PSD3: variants seen among roughly 807,000 people sequenced by gnomAD.
The protein encoded by PSD3 is pleckstrin and Sec7 domain containing 3.
A neutral mutation model predicts 105.5 loss-of-function variants in PSD3; 49 were observed. That is an observed-to-expected ratio of 0.46 (90% confidence interval 0.37 to 0.59). PSD3 has a LOEUF of 0.59. Ranked by LOEUF, PSD3 falls within the 20% of genes least tolerant of loss-of-function variation. PSD3 has a pLI of 0.00. For synonymous variants in PSD3, 557 were observed against 457.8 expected, an observed-to-expected ratio of 1.22 and a Z score of -2.77; for missense variants, 1,561 against 1,263.8, an observed-to-expected ratio of 1.24 and a Z score of -3.57.
At chr8:18,585,987 A>G (rs1803156432) in intron 12 of PSD3, among the ~76,000 whole-genome samples, 1 of 151,888 alleles carries the variant, frequency 6.6e-6, no homozygotes, top group South Asian at 2.1e-4. Context: ...CAAGAGATAT[A>G]TTTTCCTAGG....
rs538024767 is a variant in PSD3 at position 18,804,729 on chromosome 8, C to G, written c.1804G>C (p.Asp602His). ...TTCTTGCCAAGGTGTTTTGCAACAT[C>G]TGATCTTTTGAATCTGTCCAGCTGA... ...LYQLDRFKRS[D>H]VAKHLGKNNE... The change falls in exon 5 of 16, where the codon GAT (aspartate) becomes CAT (histidine). Residue 602 changes from aspartate to histidine, a missense_variant. Coordinates refer to ENST00000327040, the MANE Select transcript of PSD3 (RefSeq NM_015310.4). 1 of 1,614,034 alleles carries G rather than the reference C, an allele frequency of 6.2e-7. No individual in the cohort carries two copies. Among genetic ancestry groups the G allele is most frequent in the African/African-American group, 1.3e-5 (1 of 75,038 alleles).
intron 1 of PSD3, among the ~76,000 whole-genome samples, chr8:19,083,206 T>C (rs984517832): frequency 3.5e-4 from 53 of 152,128 alleles, no homozygotes; most frequent in African/African-American, 1.2e-3. Context: ...ACCCTCATGC[T>C]CACACACATG....
At chr8:18,781,038 G>A (rs143696000) in intron 8 of PSD3, among the ~76,000 whole-genome samples, 3 of 151,904 alleles carry the variant, frequency 2.0e-5, no homozygotes, top group East Asian at 1.9e-4. Flanking sequence ...AATATTTTTG[G>A]CTGACAGTTG....
chr8:18,646,287 A>C (rs1353018009), intron 10 of PSD3, among the ~76,000 whole-genome samples: 2 of 152,138 alleles, frequency 1.3e-5, no homozygotes, highest in Non-Finnish European at 2.9e-5. Context: ...TTCCTTCATT[A>C]ATCTACATCT....
At chr8:18,938,284 T>C (rs1450151831) in intron 1 of PSD3, among the ~76,000 whole-genome samples, 1 of 152,108 alleles carries the variant, frequency 6.6e-6, no homozygotes, top group Non-Finnish European at 1.5e-5. Context: ...AAATATATTT[T>C]GTAGGAAGAA....
intron 12 of PSD3, among the ~76,000 whole-genome samples, chr8:18,585,570 A>C (rs1803117287): frequency 6.6e-6 from 1 of 152,146 alleles, no homozygotes; most frequent in Non-Finnish European, 1.5e-5. Context: ...TACCCACCTC[A>C]GCCTCCCAAA....
chr8:18,716,542 T>C lies in PSD3; in HGVS notation c.2172+48907A>G, dbSNP rs557677481. Among the ~76,000 whole-genome samples the C allele has an allele frequency of 1.3e-4, 20 of 152,104 alleles. No individual in the cohort carries two copies. In the South Asian group the frequency reaches 4.2e-3, roughly 32 times the overall value. On this transcript the variant is annotated intron_variant, in intron 9 of 15. Coordinates refer to ENST00000327040, the MANE Select transcript of PSD3 (RefSeq NM_015310.4). Reference sequence around the variant, plus strand: ...GCCAGGGTGGCTGAAGCTTGGGCAGTGGGAGAGGAAATAATGAGAGATGAG... The same window carrying C: ...GCCAGGGTGGCTGAAGCTTGGGCAGCGGGAGAGGAAATAATGAGAGATGAG...
At chr8:18,543,423 G>T (rs1359629791) in intron 15 of PSD3, among the ~76,000 whole-genome samples, 1 of 152,008 alleles carries the variant, frequency 6.6e-6, no homozygotes, top group African/African-American at 2.4e-5. Flanking sequence ...GACCATCTTG[G>T]CTAACACGGT....
At chr8:18,778,815 C>G (rs1808336869) in intron 8 of PSD3, among the ~76,000 whole-genome samples, 1 of 152,110 alleles carries the variant, frequency 6.6e-6, no homozygotes, top group Admixed American at 6.5e-5. Context: ...CCCACTTGAT[C>G]ATCGTGAATG....
Position 18,794,358 on chromosome 8 carries a change from C to A in PSD3, c.2082+4937G>T. ...GGAAAGACCTGACCGTCCCCCAGCC[C>A]GACACCCGTAAAGGGTCTGTGCTGA... On this transcript the variant is annotated intron_variant, in intron 8 of 15. Coordinates refer to ENST00000327040, the MANE Select transcript of PSD3 (RefSeq NM_015310.4). Among the ~76,000 whole-genome samples, 2 of 2,996 alleles carry A rather than the reference C, an allele frequency of 6.7e-4. 1 individual carries two copies. Among genetic ancestry groups the A allele is most frequent in the South Asian group, 7.6e-3 (2 of 264 alleles). The allele number at this position is 2,996 out of a possible 152,430, so 2.0% of individuals were successfully genotyped here. A position where few individuals can be genotyped will look rare whatever the true frequency, so the allele number is the denominator to read the frequency against.
rs1481203622 is a variant in PSD3 at position 18,572,509 on chromosome 8, G to A, written c.2784+19C>T. On this transcript the variant is annotated intron_variant, in intron 14 of 15. Transcript: ENST00000327040. ...CAAAGTACTTTTTCCCAAGGTCAAAGCACTATCAAGATGATTACCTGAGAC... is the reference window on the plus strand; with the variant it reads ...CAAAGTACTTTTTCCCAAGGTCAAAACACTATCAAGATGATTACCTGAGAC... 6.2e-7 allele frequency: 1 copy of A among 1,610,562 alleles called. No homozygotes were observed. The highest frequency in any genetic ancestry group is 8.5e-7 in the Non-Finnish European group (1 of 1,177,824).
At chr8:18,929,567 G>T (rs1821602191) in intron 2 of PSD3, among the ~76,000 whole-genome samples, 1 of 152,044 alleles carries the variant, frequency 6.6e-6, no homozygotes, top group African/African-American at 2.4e-5. Flanking sequence ...ACCCCACCTC[G>T]TAGAAACCCA....
intron 4 of PSD3, among the ~76,000 whole-genome samples, chr8:18,847,038 GATAAGCAAGA>G (rs1815149069): frequency 6.6e-6 from 1 of 152,114 alleles, no homozygotes; most frequent in African/African-American, 2.4e-5. Flanking sequence ...CCATGTCCTG[GATAAGCAAGA>G]GTCAAGAAAT....
intron 4 of PSD3, among the ~76,000 whole-genome samples, chr8:18,855,642 A>G (rs917625927): frequency 6.6e-6 from 1 of 152,196 alleles, no homozygotes; most frequent in African/African-American, 2.4e-5. Flanking sequence ...CTCAGACACA[A>G]TGGCCAGTTT....
At chr8:18,797,965 A>C (rs1810335128) in intron 8 of PSD3, among the ~76,000 whole-genome samples, 1 of 152,150 alleles carries the variant, frequency 6.6e-6, no homozygotes, top group Non-Finnish European at 1.5e-5. Context: ...AGAAAGGCTA[A>C]GGAAAAGAAG....
At chr8:18,678,799 C>T (rs979927855) in intron 9 of PSD3, among the ~76,000 whole-genome samples, 7 of 140,048 alleles carry the variant, frequency 5.0e-5, no homozygotes, top group African/African-American at 1.3e-4. Flanking sequence ...GCAACAAAAG[C>T]AAAACTCCGT....
intron 4 of PSD3, among the ~76,000 whole-genome samples, chr8:18,806,188 A>G (rs1264918938): frequency 6.6e-6 from 1 of 152,164 alleles, no homozygotes; most frequent in East Asian, 1.9e-4. Context: ...GACAGTGGAG[A>G]ATACGATGAC....
chr8:18,828,688 A>T (rs10103152), intron 4 of PSD3, among the ~76,000 whole-genome samples: 105,170 of 152,002 alleles, frequency 0.69, 37,266 homozygotes, highest in African/African-American at 0.84. Flanking sequence ...GGGCTGGGCG[A>T]GGTGGCTCAT....
At chr8:18,858,697 C>T (rs528493107) in intron 4 of PSD3, among the ~76,000 whole-genome samples, 3 of 152,172 alleles carry the variant, frequency 2.0e-5, no homozygotes, top group South Asian at 4.2e-4. Context: ...TTCAAGAAAC[C>T]GCTTTCTTTA....
Sources: gnomAD v4.1 joint callset for allele counts (sites outside exome capture counted in the v4.1 genomes callset) on GRCh38, gnomAD v4.1.1 for gene constraint, MANE v1.5 for transcripts, NCBI Gene and HGNC (gene_info 2026-07-23, HGNC 2026-07-21) for gene names.